The following SLC5A1 variants were observed in gnomAD, a reference collection of about 807,000 sequenced individuals.
SLC5A1 encodes the protein solute carrier family 5 member 1.
SLC5A1 carries 42 observed loss-of-function variants against 73.5 expected under a neutral mutation model. That is an observed-to-expected ratio of 0.57 (90% CI 0.45 to 0.74). SLC5A1 has a LOEUF of 0.74. Ranked by LOEUF, SLC5A1 falls within the 30% of genes least tolerant of loss-of-function variation. SLC5A1 has a pLI of 0.00. For synonymous variants in SLC5A1, 300 were observed against 317.4 expected (o/e 0.95, Z 0.58); for missense variants, 634 against 855.4 (o/e 0.74, Z 3.23).
At chr22:32,073,611 C>T (rs978809604) in intron 5 of SLC5A1, among the ~76,000 whole-genome samples, 1 of 152,118 alleles carries the variant, frequency 6.6e-6, no homozygotes, top group Non-Finnish European at 1.5e-5. Context: ...GGCTGGAGTA[C>T]TGTGGCGCGA....
At chr22:32,099,643 T>C (rs558863281) in intron 12 of SLC5A1, among the ~76,000 whole-genome samples, 92 of 152,102 alleles carry the variant, frequency 6.0e-4, no homozygotes, top group Non-Finnish European at 9.6e-4. Context: ...CCCAGGCTGG[T>C]CTTGAACTCC....
intron 2 of SLC5A1, among the ~76,000 whole-genome samples, chr22:32,050,835 T>C (rs1569299246): frequency 6.6e-6 from 1 of 152,220 alleles, no homozygotes. Flanking sequence ...TGAGTCATGC[T>C]TGAGGCAAGC....
At chr22:32,081,759 T>C (rs889522329) in intron 5 of SLC5A1, 107 bp from the exon 6 acceptor site, 10 of 783,184 alleles carry the variant, frequency 1.3e-5, no homozygotes, top group African/African-American at 1.0e-4. Flanking sequence ...GAATACGTAT[T>C]ATCATCTTGA....
intron 10 of SLC5A1, among the ~76,000 whole-genome samples, chr22:32,087,060 T>G (rs544190791): frequency 1.6e-4 from 25 of 152,040 alleles, no homozygotes; most frequent in Non-Finnish European, 2.6e-4. Context: ...AAAGTCAAAT[T>G]TGTAGAAGCA....
intron 11 of SLC5A1, among the ~76,000 whole-genome samples, chr22:32,096,080 C>T (rs1365371094): frequency 6.6e-6 from 1 of 152,118 alleles, no homozygotes; most frequent in East Asian, 1.9e-4. Context: ...TCTTGGCTTT[C>T]CTGGTATATT....
In SLC5A1 at chr22:32,084,466, C is replaced by G; in HGVS notation, c.692C>G (p.Ala231Gly). The change falls in exon 8 of 15, where the codon GCC (alanine) becomes GGC (glycine). Residue 231 changes from alanine to glycine, a missense_variant. Around this residue, in one of 3 missense-constraint regions of SLC5A1, gnomAD observed 422 missense variants for 626.1 expected, o/e 0.67. Coordinates refer to ENST00000266088, the MANE Select transcript of SLC5A1 (RefSeq NM_000343.4). ...TTTCACGAAGTGGGAGGCTATGACG[C>G]CTTCATGGAAAAGTACATGAAAGCC... ...FAFHEVGGYDAFMEKYMKAIP... is the reference protein window; with the variant it reads ...FAFHEVGGYDGFMEKYMKAIP... 1 of 1,614,224 alleles carries G rather than the reference C, an allele frequency of 6.2e-7. No individual in the cohort carries two copies. Among genetic ancestry groups the G allele is most frequent in the Non-Finnish European group, 8.5e-7 (1 of 1,180,016 alleles).
Position 32,043,972 on chromosome 22 carries a change from A to G in SLC5A1, c.135+556A>G, listed in dbSNP as rs1354739824. Among the ~76,000 whole-genome samples, 10 of 152,200 alleles carry G rather than the reference A, an allele frequency of 6.6e-5. No homozygotes were observed. The highest frequency in any genetic ancestry group is 6.5e-4 in the Admixed American group (10 of 15,286). ...CATGAGGATCCCAGGGGCTGGATCA[A>G]GTTAGAGATGAGAAAGATGGGTGGA... On this transcript the variant is annotated intron_variant, in intron 1 of 14. Coordinates refer to ENST00000266088, the MANE Select transcript of SLC5A1 (RefSeq NM_000343.4). This position sits in a 1 kb window ranked among gnomAD's most constrained non-coding sequence, Gnocchi z 6.5.
intron 2 of SLC5A1, among the ~76,000 whole-genome samples, chr22:32,056,016 ATGTT>A (rs1001420646): frequency 2.2e-4 from 33 of 152,068 alleles, no homozygotes; most frequent in African/African-American, 8.0e-4. Context: ...TAATCTGCGT[ATGTT>A]TTTTGTTGTT....
chr22:32,101,840 G>C (rs1295905564), intron 12 of SLC5A1, among the ~76,000 whole-genome samples, 182 bp from the exon 13 acceptor site: 2 of 152,128 alleles, frequency 1.3e-5, no homozygotes, highest in African/African-American at 4.8e-5. Flanking sequence ...GAGTGTGTCT[G>C]TCTGAGTGCA....
intron 1 of SLC5A1, among the ~76,000 whole-genome samples, chr22:32,045,920 G>T (rs2093936526): frequency 6.6e-6 from 1 of 152,134 alleles, no homozygotes; most frequent in South Asian, 2.1e-4. Context: ...GCCAAGAATG[G>T]TTTTTACACT....
At chr22:32,044,641 T>C (rs2093934779) in intron 1 of SLC5A1, among the ~76,000 whole-genome samples, 1 of 152,030 alleles carries the variant, frequency 6.6e-6, no homozygotes, top group Non-Finnish European at 1.5e-5. Context: ...TAGTGGAAAC[T>C]GACCAACTAG....
chr22:32,101,480 A>G lies in SLC5A1; in HGVS notation c.1450-542A>G, dbSNP rs568091446. Reference sequence around the variant, plus strand: ...AAACTAAAAATAGTTCATAAAATAAACTACAAAGAGGGCTAAAAAAGTAAG... The same window carrying G: ...AAACTAAAAATAGTTCATAAAATAAGCTACAAAGAGGGCTAAAAAAGTAAG... On this transcript the variant is annotated intron_variant, in intron 12 of 14. Transcript: ENST00000266088. Among the ~76,000 whole-genome samples, 17 of 152,354 alleles carry G rather than the reference A, an allele frequency of 1.1e-4. No homozygotes were observed. In the East Asian group the frequency reaches 2.7e-3, roughly 24 times the overall value.
chr22:32,112,928 A>G lies in SLC5A1; in HGVS notation c.*2715A>G, dbSNP rs1396685684. ...TAATAGATGTTAATTACCTTAATTT[A>G]GTCATTTCACAATATGTACATATAT... On this transcript the variant is annotated 3_prime_UTR_variant, in exon 15 of 15. Transcript: ENST00000266088. The G allele has an allele frequency of 2.0e-5, 3 of 152,244 alleles. No individual in the cohort carries two copies. Among genetic ancestry groups the G allele is most frequent in the African/African-American group, 4.8e-5 (2 of 41,458 alleles). The allele number at this position is 152,244 out of a possible 1,614,324, so 9.4% of individuals were successfully genotyped here.
At position 32,066,849 on chromosome 22, in the gene SLC5A1, G is replaced by C. The variant is rs1310200240; in HGVS notation, c.208-86G>C. On this transcript the variant is annotated intron_variant, in intron 2 of 14. Transcript: ENST00000266088. ...TCTGCTCTTTCTTGTCCTTCTCTTG[G>C]CTGACATGTCTCCTCTCTCTTTGAC... 3 of 914,618 alleles carry C rather than the reference G, an allele frequency of 3.3e-6. No individual in the cohort carries two copies. In the African/African-American group the frequency reaches 4.9e-5, roughly 15 times the overall value. 56.7% of individuals were successfully genotyped at this position (914,618 alleles called of 1,614,324 possible).
At chr22:32,074,801 C>G (rs1238966485) in intron 5 of SLC5A1, among the ~76,000 whole-genome samples, 1 of 152,180 alleles carries the variant, frequency 6.6e-6, no homozygotes, top group African/African-American at 2.4e-5. Flanking sequence ...CTGCCCTCTA[C>G]TTAGTGCTGG....
In SLC5A1 at chr22:32,043,518, G is replaced by A; in HGVS notation, c.135+102G>A. On this transcript the variant is annotated intron_variant, in intron 1 of 14. Transcript: ENST00000266088. The surrounding 1 kb of genome is among the most constrained non-coding windows in gnomAD (Gnocchi z 6.5). ...GGCAGTAGGCTTAAGTGTCGGTGGA[G>A]GGGAGAGGAAATGACTTGGAAGCAC... 1 of 1,312,760 alleles carries A rather than the reference G, an allele frequency of 7.6e-7. No individual in the cohort carries two copies. The highest frequency in any genetic ancestry group is 1.1e-6 in the Non-Finnish European group (1 of 926,728). The allele number at this position is 1,312,760 out of a possible 1,614,324, so 81.3% of individuals were successfully genotyped here. A position where few individuals can be genotyped will look rare whatever the true frequency, so the allele number is the denominator to read the frequency against.
rs570086346 is a variant in SLC5A1, at chr22:32,083,013, A to C, written c.584-61A>C. ...AGTAGAGGGTGGAGAGTGGGGAAGGAAGCAAGTAGACAGGTCACCCTCCAC... is the reference window on the plus strand; with the variant it reads ...AGTAGAGGGTGGAGAGTGGGGAAGGCAGCAAGTAGACAGGTCACCCTCCAC... On this transcript the variant is annotated intron_variant, in intron 6 of 14. Transcript: ENST00000266088. The C allele has an allele frequency of 1.3e-5, 19 of 1,471,864 alleles. No homozygotes were observed. The Admixed American group carries it at 1.5e-4, about 12-fold the overall frequency. 91.2% of individuals were successfully genotyped at this position (1,471,864 alleles called of 1,614,324 possible). A position where few individuals can be genotyped will look rare whatever the true frequency, so the allele number is the denominator to read the frequency against.
At chr22:32,077,627 G>A (rs963083413) in intron 5 of SLC5A1, among the ~76,000 whole-genome samples, 3 of 152,036 alleles carry the variant, frequency 2.0e-5, no homozygotes, top group African/African-American at 7.2e-5. Flanking sequence ...AAAGAATATA[G>A]CAAACACCCT....
At chr22:32,048,189 G>A (rs1329641756) in intron 1 of SLC5A1, among the ~76,000 whole-genome samples, 2 of 151,382 alleles carry the variant, frequency 1.3e-5, no homozygotes, top group East Asian at 1.9e-4. Flanking sequence ...CTCTGACAGG[G>A]TTAAGTCACT....
Sources: gnomAD v4.1 joint callset for allele counts (sites outside exome capture counted in the v4.1 genomes callset) on GRCh38, gnomAD v4.1.1 for gene constraint, gnomAD v4.1.1 regional missense constraint, Gnocchi (gnomAD v3.1) non-coding constraint, MANE v1.5 for transcripts, NCBI Gene and HGNC (gene_info 2026-07-23, HGNC 2026-07-21) for gene names.